LRRTM4: variants seen among roughly 807,000 people sequenced by gnomAD.
LRRTM4 encodes the protein leucine rich repeat transmembrane neuronal 4, also known as leucine-rich repeat transmembrane neuronal protein 4.
Under a neutral mutation model 47.6 loss-of-function variants are expected in LRRTM4, and 25 were observed. The observed-to-expected ratio is 0.53, with a 90% CI of 0.38 to 0.73. LRRTM4 has a LOEUF of 0.73. LRRTM4 is among the 30% of genes least tolerant of loss of function. The pLI is 0.00. For synonymous variants in LRRTM4, 311 were observed against 269.5 expected (o/e 1.15, Z -1.51); for missense variants, 638 against 713.4 (o/e 0.89, Z 1.20).
intron 3 of LRRTM4, among the ~76,000 whole-genome samples, chr2:77,126,321 A>G (rs1671651377): frequency 6.6e-6 from 1 of 152,214 alleles, no homozygotes. Context: ...GCATCACTAA[A>G]TATGACAAAT....
intron 3 of LRRTM4, among the ~76,000 whole-genome samples, chr2:77,480,387 A>G (rs970406283): frequency 6.6e-6 from 1 of 152,090 alleles, no homozygotes; most frequent in Non-Finnish European, 1.5e-5. Flanking sequence ...TTTTTATTCT[A>G]TTTTTCCAAA....
At chr2:76,966,882 T>A (rs761135859) in intron 3 of LRRTM4, among the ~76,000 whole-genome samples, 2 of 151,564 alleles carry the variant, frequency 1.3e-5, no homozygotes, top group Non-Finnish European at 3.0e-5. Flanking sequence ...TTGCTTGTAT[T>A]GCCTTCATTG....
chr2:77,438,538 C>G (rs1486623080), intron 3 of LRRTM4, among the ~76,000 whole-genome samples: 2 of 151,190 alleles, frequency 1.3e-5, no homozygotes, highest in African/African-American at 4.9e-5. Context: ...TCCCGAATAG[C>G]TGGGACTACA....
chr2:77,239,330 T>C (rs1023347864), intron 3 of LRRTM4, among the ~76,000 whole-genome samples: 2 of 151,894 alleles, frequency 1.3e-5, no homozygotes, highest in African/African-American at 2.4e-5. Flanking sequence ...AATGAAATAA[T>C]AGAAATATAC....
At chr2:76,915,334 C>T (rs558003552) in intron 3 of LRRTM4, among the ~76,000 whole-genome samples, 5 of 152,266 alleles carry the variant, frequency 3.3e-5, no homozygotes, top group African/African-American at 7.2e-5. Flanking sequence ...CCAATCACAG[C>T]GATGCATGCC....
intron 3 of LRRTM4, among the ~76,000 whole-genome samples, chr2:77,127,047 T>C (rs1033833966): frequency 4.2e-4 from 64 of 152,196 alleles, no homozygotes; most frequent in Non-Finnish European, 7.4e-4. Context: ...ATTCCCATGC[T>C]TAATATTTTT....
At chr2:77,469,548 G>A (rs1040465026) in intron 3 of LRRTM4, among the ~76,000 whole-genome samples, 4 of 152,106 alleles carry the variant, frequency 2.6e-5, no homozygotes, top group Non-Finnish European at 5.9e-5. Context: ...AAATGAGAAA[G>A]CCAAAGACTT....
At chr2:76,877,533 G>A (rs1466743947) in intron 3 of LRRTM4, among the ~76,000 whole-genome samples, 1 of 151,362 alleles carries the variant, frequency 6.6e-6, no homozygotes, top group Admixed American at 6.6e-5. Context: ...AAGGTACAAT[G>A]GTTAAAAATA....
At chr2:77,490,692 A>G (rs1678117965) in intron 3 of LRRTM4, among the ~76,000 whole-genome samples, 1 of 152,168 alleles carries the variant, frequency 6.6e-6, no homozygotes, top group Non-Finnish European at 1.5e-5. Context: ...ACCTGCTAAA[A>G]CTTTGAACTG....
chr2:77,002,531 G>A (rs567174702), intron 3 of LRRTM4, among the ~76,000 whole-genome samples: 1 of 152,126 alleles, frequency 6.6e-6, no homozygotes, highest in East Asian at 1.9e-4. Flanking sequence ...CCTTCTAATT[G>A]CTATCCCTAT....
chr2:77,088,786 C>T (rs565772850), intron 3 of LRRTM4, among the ~76,000 whole-genome samples: 1 of 152,148 alleles, frequency 6.6e-6, no homozygotes, highest in Non-Finnish European at 1.5e-5. Flanking sequence ...TCCTCAGACC[C>T]ACCAGCCCAA....
intron 3 of LRRTM4, among the ~76,000 whole-genome samples, chr2:76,867,477 C>A (rs1672499992): frequency 6.6e-6 from 1 of 152,128 alleles, no homozygotes; most frequent in Admixed American, 6.5e-5. Context: ...TTCCTCTGGA[C>A]ATATTTAGTG....
intron 3 of LRRTM4, among the ~76,000 whole-genome samples, chr2:76,924,202 C>G (rs1421323554): frequency 2.0e-5 from 3 of 151,994 alleles, no homozygotes; most frequent in Non-Finnish European, 2.9e-5. Context: ...TCCTAAACAC[C>G]TATTTTAAAA....
At chr2:77,014,591 C>T (rs1357099562) in intron 3 of LRRTM4, among the ~76,000 whole-genome samples, 4 of 151,496 alleles carry the variant, frequency 2.6e-5, no homozygotes, top group South Asian at 2.1e-4. Flanking sequence ...GTAGGCAGAT[C>T]GCCTGAGGTC....
In LRRTM4 at chr2:77,477,678, C is replaced by A. The variant is rs182860524; in HGVS notation, c.1551+40640G>T. Among the ~76,000 whole-genome samples, 8 of 151,172 alleles carry A rather than the reference C, an allele frequency of 5.3e-5. No homozygotes were observed. In the East Asian group the frequency reaches 1.6e-3, roughly 30 times the overall value. ...ACCAAATGGAGAAACCCCGTCTCCACTAAAAAAAAGAATAATAATAAAATA... is the reference window on the plus strand; with the variant it reads ...ACCAAATGGAGAAACCCCGTCTCCAATAAAAAAAAGAATAATAATAAAATA... On this transcript the variant is annotated intron_variant, in intron 3 of 3. Coordinates refer to ENST00000409884, the MANE Select transcript of LRRTM4 (RefSeq NM_001134745.3).
chr2:76,751,641 C>A (rs1009041492), intron 3 of LRRTM4, among the ~76,000 whole-genome samples: 1 of 151,992 alleles, frequency 6.6e-6, no homozygotes, highest in Non-Finnish European at 1.5e-5. Flanking sequence ...TTCAATGAGA[C>A]CTCTTTCAAT....
intron 3 of LRRTM4, among the ~76,000 whole-genome samples, chr2:76,755,211 T>A (rs1048077775): frequency 9.9e-5 from 15 of 152,184 alleles, no homozygotes; most frequent in Non-Finnish European, 2.1e-4. Context: ...AATATTTATA[T>A]AGATTAAGTT....
intron 3 of LRRTM4, among the ~76,000 whole-genome samples, chr2:77,315,493 G>T (rs1346762341): frequency 6.6e-6 from 1 of 151,996 alleles, no homozygotes; most frequent in Non-Finnish European, 1.5e-5. Flanking sequence ...TTACTAAATT[G>T]TAAAGTAAAA....
chr2:77,464,031 G>C (rs960326618), intron 3 of LRRTM4, among the ~76,000 whole-genome samples: 3 of 152,114 alleles, frequency 2.0e-5, no homozygotes, highest in Non-Finnish European at 4.4e-5. Flanking sequence ...AGGTGAATGA[G>C]TCTTAGAGAG....
Sources: gnomAD v4.1 joint callset for allele counts (sites outside exome capture counted in the v4.1 genomes callset) on GRCh38, gnomAD v4.1.1 for gene constraint, MANE v1.5 for transcripts, NCBI Gene and HGNC (gene_info 2026-07-23, HGNC 2026-07-21) for gene names.